GLIS3: variants seen among roughly 807,000 people sequenced by gnomAD.
The protein encoded by GLIS3 is zinc finger protein GLIS3.
Under a neutral mutation model 78.6 loss-of-function variants are expected in GLIS3, and 53 were observed. That is an observed-to-expected ratio of 0.67 (90% CI 0.54 to 0.85). The LOEUF (loss-of-function observed/expected upper bound fraction) is 0.85. Ranked by LOEUF, GLIS3 falls within the 40% of genes least tolerant of loss-of-function variation. GLIS3 has a pLI of 0.00. For missense variants in GLIS3, 1,703 were observed against 1,231.1 expected (o/e 1.38, Z -5.74); for synonymous variants, 684 against 509.9 (o/e 1.34, Z -4.60).
rs546695514 is a variant in GLIS3 at position 4,034,039 on chromosome 9, T to C, written c.1710+83729A>G. On this transcript the variant is annotated intron_variant, in intron 4 of 10. Transcript: ENST00000381971. ...GAATTCAATAACAGCCTAGGCAACA[T>C]TGTGAGACCCCATTTCTATTAAAAA... Among the ~76,000 whole-genome samples the C allele has an allele frequency of 2.3e-4, 35 of 151,984 alleles. No individual in the cohort carries two copies. The East Asian group carries it at 5.6e-3, about 24-fold the overall frequency.
chr9:4,133,436 TG>T (rs1833127373), intron 2 of GLIS3, among the ~76,000 whole-genome samples: 1 of 152,152 alleles, frequency 6.6e-6, no homozygotes, highest in African/African-American at 2.4e-5. Flanking sequence ...ACTCGACACT[TG>T]GGTACTAAAA....
intron 5 of GLIS3, 77 bp from the exon 6 acceptor site, chr9:3,932,547 T>C (rs1023919328): frequency 6.7e-6 from 7 of 1,051,416 alleles, no homozygotes; most frequent in Middle Eastern, 2.0e-4. Flanking sequence ...TCAAAGACTA[T>C]TGACTTCAGA....
chr9:4,235,840 A>G (rs1255440590), intron 2 of GLIS3, among the ~76,000 whole-genome samples: 10 of 152,304 alleles, frequency 6.6e-5, no homozygotes, highest in Non-Finnish European at 1.3e-4. Flanking sequence ...GAACCAAAAG[A>G]AAGAAACACA....
At chr9:4,313,613 C>T (rs2130532224) in intron 2 of GLIS3, among the ~76,000 whole-genome samples, 1 of 152,306 alleles carries the variant, frequency 6.6e-6, no homozygotes. Flanking sequence ...TTCTCTCTGG[C>T]AGTATCCCCT....
At chr9:4,344,587 T>G (rs1019117918) in intron 2 of GLIS3, among the ~76,000 whole-genome samples, 2 of 152,206 alleles carry the variant, frequency 1.3e-5, no homozygotes, top group African/African-American at 4.8e-5. Flanking sequence ...TCTTCTGGCT[T>G]TAAATATCAT....
At chr9:4,131,095 C>T (rs547120) in intron 2 of GLIS3, among the ~76,000 whole-genome samples, 5,004 of 152,214 alleles carry the variant, frequency 0.033, 84 homozygotes, top group Admixed American at 0.065. Context: ...GGACCTATAG[C>T]CCCTTTATTT....
chr9:4,098,380 G>A (rs903266223), intron 4 of GLIS3, among the ~76,000 whole-genome samples: 1 of 152,178 alleles, frequency 6.6e-6, no homozygotes, highest in South Asian at 2.1e-4. Flanking sequence ...AGTAGAAGAT[G>A]AATGATATAG....
intron 4 of GLIS3, among the ~76,000 whole-genome samples, chr9:3,953,114 T>C (rs2130850670): frequency 6.6e-6 from 1 of 152,318 alleles, no homozygotes; most frequent in East Asian, 1.9e-4. Flanking sequence ...ATATATTGTC[T>C]GATAAATTCT....
At chr9:3,858,525 T>C (rs1819941360) in intron 8 of GLIS3, among the ~76,000 whole-genome samples, 1 of 152,218 alleles carries the variant, frequency 6.6e-6, no homozygotes, top group South Asian at 2.1e-4. Flanking sequence ...CTCAAGATTT[T>C]GCTTTTTCCT....
At chr9:4,285,894 G>A (rs1304672954) in intron 2 of GLIS3, 144 bp downstream of exon 2, 4 of 1,007,808 alleles carry the variant, frequency 4.0e-6, no homozygotes, top group Non-Finnish European at 6.1e-6. Flanking sequence ...CCCTTACTGA[G>A]CAAGCTATAT....
chr9:4,478,002 C>G, the GLIS3 span, among the ~76,000 whole-genome samples: 2 of 152,128 alleles, frequency 1.3e-5, no homozygotes, highest in African/African-American at 4.8e-5. Flanking sequence ...AGCAATGAGC[C>G]ACGATTACCA....
At chr9:3,919,431 C>T (rs943080430) in intron 6 of GLIS3, among the ~76,000 whole-genome samples, 2 of 151,944 alleles carry the variant, frequency 1.3e-5, no homozygotes, top group East Asian at 1.9e-4. Context: ...TAAGTGAGAA[C>T]ATGAGAACAC....
At chr9:3,832,051 C>G (rs898928170) in intron 9 of GLIS3, among the ~76,000 whole-genome samples, 2 of 151,796 alleles carry the variant, frequency 1.3e-5, no homozygotes, top group South Asian at 2.1e-4. Flanking sequence ...CAACTACTTA[C>G]CAACTGTGTA....
At chr9:4,490,064 G>C in the GLIS3 span, among the ~76,000 whole-genome samples, 1 of 152,220 alleles carries the variant, frequency 6.6e-6, no homozygotes, top group Non-Finnish European at 1.5e-5. Context: ...CGACTTGAAA[G>C]GGCACCCGTT....
chr9:3,976,598 T>C (rs959139604), intron 4 of GLIS3, among the ~76,000 whole-genome samples: 12 of 151,402 alleles, frequency 7.9e-5, no homozygotes. Flanking sequence ...TCTAATGAAT[T>C]AATTTAGAAC....
At chr9:4,169,145 T>TC (rs1243160582) in intron 2 of GLIS3, among the ~76,000 whole-genome samples, 1 of 152,172 alleles carries the variant, frequency 6.6e-6, no homozygotes, top group African/African-American at 2.4e-5. Context: ...TCTGCAGCTG[T>TC]CCAACTATCA....
At chr9:4,255,261 T>TG (rs1261885369) in intron 2 of GLIS3, among the ~76,000 whole-genome samples, 2 of 152,198 alleles carry the variant, frequency 1.3e-5, no homozygotes, top group Non-Finnish European at 2.9e-5. Context: ...TCAGTGCTGG[T>TG]GGGTATGCAA....
chr9:4,339,672 G>C (rs1330324146), intron 2 of GLIS3, among the ~76,000 whole-genome samples: 1 of 146,542 alleles, frequency 6.8e-6, no homozygotes, highest in African/African-American at 2.6e-5. Flanking sequence ...AGCAAGGGTG[G>C]AGATGCCACA....
chr9:3,837,982 G>T (rs1818456862), intron 9 of GLIS3, among the ~76,000 whole-genome samples: 2 of 147,864 alleles, frequency 1.4e-5, no homozygotes, highest in Non-Finnish European at 3.0e-5. Flanking sequence ...TAGTGGGAGA[G>T]ATTGTGTGTG....
Sources: gnomAD v4.1 joint callset for allele counts (sites outside exome capture counted in the v4.1 genomes callset) on GRCh38, gnomAD v4.1.1 for gene constraint, MANE v1.5 for transcripts, NCBI Gene and HGNC (gene_info 2026-07-23, HGNC 2026-07-21) for gene names.